Variants in PARD3B observed in about 807,000 individuals in gnomAD.
The protein encoded by PARD3B is par-3 family cell polarity regulator beta.
A neutral mutation model predicts 130.2 loss-of-function variants in PARD3B; 103 were observed. That is an observed-to-expected ratio of 0.79 (90% CI 0.67 to 0.93). PARD3B has a LOEUF of 0.93. PARD3B is among the 40% of genes least tolerant of loss of function. The pLI is 0.00. For synonymous variants in PARD3B, 583 were observed against 553.2 expected (o/e 1.05, Z -0.76); for missense variants, 1,609 against 1,499.2 (o/e 1.07, Z -1.21).
chr2:205,069,085 TA>T (rs917708885), intron 4 of PARD3B, among the ~76,000 whole-genome samples: 6 of 152,058 alleles, frequency 3.9e-5, no homozygotes, highest in African/African-American at 1.4e-4. Context: ...CAGTTTCTAA[TA>T]GAAATGTACT....
At chr2:205,494,436 G>A (rs2049850737) in intron 20 of PARD3B, among the ~76,000 whole-genome samples, 1 of 151,980 alleles carries the variant, frequency 6.6e-6, no homozygotes, top group Non-Finnish European at 1.5e-5. Context: ...TTTCATGTAG[G>A]ATCTTTGTCA....
chr2:205,591,057 C>T lies in PARD3B; in HGVS notation c.3261-24399C>T, dbSNP rs577851486. Among the ~76,000 whole-genome samples, 1 of 152,218 alleles carries T rather than the reference C, an allele frequency of 6.6e-6. No individual in the cohort carries two copies. Among genetic ancestry groups the T allele is most frequent in the Admixed American group, 6.5e-5 (1 of 15,290 alleles). On this transcript the variant is annotated intron_variant, in intron 22 of 22. Transcript: ENST00000406610. The surrounding 1 kb of genome is among the most constrained non-coding windows in gnomAD (Gnocchi z 4.2). Reference sequence around the variant, plus strand: ...ATCTGTCCCTCACTTTAGAGCTCCACGTGTCATTGTGTTTGTCTTTCCCTG... The same window carrying T: ...ATCTGTCCCTCACTTTAGAGCTCCATGTGTCATTGTGTTTGTCTTTCCCTG...
In PARD3B at chr2:205,351,757, T is replaced by C. The variant is rs960693517; in HGVS notation, c.2631-49256T>C. Among the ~76,000 whole-genome samples the C allele has an allele frequency of 6.6e-6, 1 of 151,638 alleles. No homozygotes were observed. Among genetic ancestry groups the C allele is most frequent in the African/African-American group, 2.4e-5 (1 of 41,262 alleles). ...CTGTGAGTAAGGTGGGTTGCTAGCC[T>C]ATCACCAGATTATTAAAGTAAGTGT... On this transcript the variant is annotated intron_variant, in intron 18 of 22. Transcript: ENST00000406610. The surrounding 1 kb of genome is among the most constrained non-coding windows in gnomAD (Gnocchi z 4.2).
At chr2:205,169,044 G>A (rs1293052161) in intron 11 of PARD3B, among the ~76,000 whole-genome samples, 1 of 152,134 alleles carries the variant, frequency 6.6e-6, no homozygotes, top group African/African-American at 2.4e-5. Flanking sequence ...ATCTGTAAAC[G>A]GAAGAGGTTG....
At chr2:204,737,169 T>C (rs1316166700) in intron 2 of PARD3B, among the ~76,000 whole-genome samples, 1 of 152,162 alleles carries the variant, frequency 6.6e-6, no homozygotes, top group Non-Finnish European at 1.5e-5. Flanking sequence ...ATGGGGTTTC[T>C]CCATGTTGGT....
At chr2:205,193,737 A>T (rs1921800) in intron 15 of PARD3B, among the ~76,000 whole-genome samples, 116,774 of 152,126 alleles carry the variant, frequency 0.77, 45,337 homozygotes, top group East Asian at 0.97. Context: ...CCTTTGCCTT[A>T]GTGCTTCACT....
intron 20 of PARD3B, 146 bp from the exon 21 acceptor site, chr2:205,499,750 C>A: frequency 1.1e-6 from 1 of 949,878 alleles, no homozygotes; most frequent in Non-Finnish European, 1.5e-6. Flanking sequence ...ATATTTATGA[C>A]TGATTTCACC....
chr2:204,949,228 T>A (rs578095609), intron 2 of PARD3B, among the ~76,000 whole-genome samples: 1 of 152,324 alleles, frequency 6.6e-6, no homozygotes, highest in Non-Finnish European at 1.5e-5. Flanking sequence ...AAATGTAGGA[T>A]GGATATTATG....
chr2:205,409,523 G>T (rs1321410762), intron 19 of PARD3B, among the ~76,000 whole-genome samples: 2 of 152,120 alleles, frequency 1.3e-5, no homozygotes, highest in Admixed American at 6.6e-5. Flanking sequence ...GACCAGAGAT[G>T]GAAACACCTA....
At chr2:205,298,098 T>C (rs1248982641) in intron 16 of PARD3B, among the ~76,000 whole-genome samples, 1 of 152,212 alleles carries the variant, frequency 6.6e-6, no homozygotes, top group Non-Finnish European at 1.5e-5. Context: ...TTGCTAAACG[T>C]TGACGTGAAT....
rs557608486 is a variant in PARD3B at position 205,305,310 on chromosome 2, C to T, written c.2630+3609C>T. ...TATGTGGCATGTAGCATGAGTGACT[C>T]CATTCTGGTTTGGTCTGGTCTGTTG... is the stretch of plus-strand genomic sequence containing the variant. On this transcript the variant is annotated intron_variant, in intron 18 of 22. Coordinates refer to ENST00000406610, the MANE Select transcript of PARD3B (RefSeq NM_001302769.2). 4.9e-4 allele frequency among the ~76,000 whole-genome samples: 74 copies of T among 152,244 alleles called. No homozygotes were observed. In the South Asian group the frequency reaches 0.015, roughly 30 times the overall value.
intron 21 of PARD3B, among the ~76,000 whole-genome samples, chr2:205,547,522 C>G (rs1231146161): frequency 6.6e-6 from 1 of 152,026 alleles, no homozygotes; most frequent in Non-Finnish European, 1.5e-5. Context: ...AATGATTTTT[C>G]CAAGCCACAC....
intron 18 of PARD3B, among the ~76,000 whole-genome samples, chr2:205,377,303 TAA>T (rs1345022641): frequency 1.3e-5 from 2 of 152,186 alleles, no homozygotes; most frequent in East Asian, 3.8e-4. Flanking sequence ...GAGTTCATGG[TAA>T]AATACAGATT....
At chr2:204,712,150 C>T (rs577524690) in intron 2 of PARD3B, among the ~76,000 whole-genome samples, 20 of 152,114 alleles carry the variant, frequency 1.3e-4, no homozygotes, top group Non-Finnish European at 2.4e-4. Flanking sequence ...GAGTTTATAT[C>T]ATATATTCCC....
chr2:205,355,242 T>C (rs1219619163), intron 18 of PARD3B, among the ~76,000 whole-genome samples: 1 of 152,236 alleles, frequency 6.6e-6, no homozygotes, highest in Non-Finnish European at 1.5e-5. Context: ...GTACCAGTTC[T>C]GGTGAAGCAA....
At chr2:204,886,949 T>A (rs932636668) in intron 2 of PARD3B, among the ~76,000 whole-genome samples, 15 of 152,188 alleles carry the variant, frequency 9.9e-5, no homozygotes, top group African/African-American at 3.6e-4. Flanking sequence ...CAGTCACTAC[T>A]GGTATCTGGC....
At chr2:204,712,914 T>C (rs2038525936) in intron 2 of PARD3B, among the ~76,000 whole-genome samples, 1 of 152,208 alleles carries the variant, frequency 6.6e-6, no homozygotes, top group South Asian at 2.1e-4. Flanking sequence ...TCGAGTTTTA[T>C]ATGGTTTAGG....
chr2:204,980,956 A>G (rs1692614345), intron 3 of PARD3B, among the ~76,000 whole-genome samples: 1 of 152,200 alleles, frequency 6.6e-6, no homozygotes, highest in African/African-American at 2.4e-5. Context: ...TTTGACATAC[A>G]TACCATAGTT....
At chr2:204,778,404 GAAC>G in intron 2 of PARD3B, among the ~76,000 whole-genome samples, 1 of 152,282 alleles carries the variant, frequency 6.6e-6, no homozygotes, top group East Asian at 1.9e-4. Flanking sequence ...TTGTAGAAAT[GAAC>G]AACATTTAGG....
Sources: allele counts gnomAD v4.1 joint callset (sites outside exome capture counted in the v4.1 genomes callset), GRCh38; gene constraint gnomAD v4.1.1; non-coding constraint Gnocchi (gnomAD v3.1); transcripts MANE v1.5; gene names NCBI Gene and HGNC (gene_info 2026-07-23, HGNC 2026-07-21).